DOCK3: variants seen among roughly 807,000 people sequenced by gnomAD.
DOCK3 encodes dedicator of cytokinesis 3, also known as dedicator of cytokinesis protein 3.
In DOCK3, 60 loss-of-function variants were observed where a neutral mutation model predicts 265.6. The ratio of observed to expected loss-of-function variants is 0.23; its 90% CI spans 0.18 to 0.28. The LOEUF (loss-of-function observed/expected upper bound fraction) is 0.28. Among genes scored for constraint, DOCK3 ranks in the 10% least tolerant of loss-of-function variants. The pLI, the probability that DOCK3 is intolerant of heterozygous loss-of-function variation, is 1.00. For missense variants in DOCK3, 1,981 were observed against 2,594.3 expected (o/e 0.76, Z 5.14); for synonymous variants, 881 against 938.0 (o/e 0.94, Z 1.11).
At chr3:50,999,852 G>A (rs975139293) in intron 5 of DOCK3, among the ~76,000 whole-genome samples, 4 of 152,154 alleles carry the variant, frequency 2.6e-5, no homozygotes, top group African/African-American at 9.7e-5. Flanking sequence ...AAGTGGCTCT[G>A]TTTCTTCAGC....
chr3:51,245,129 G>C (rs1202395571), intron 21 of DOCK3, among the ~76,000 whole-genome samples: 1 of 152,064 alleles, frequency 6.6e-6, no homozygotes, highest in Non-Finnish European at 1.5e-5. Context: ...AGGAGTTCGA[G>C]ACCAGCCTGG....
rs533772618 is a variant in DOCK3 at position 51,334,746 on chromosome 3, T to A, written c.3611+1493T>A. ...GCTGCACCTCCCCCTTTCCAAAACA[T>A]TTTCTAAAGTTTGGCTTTATTCACC... On this transcript the variant is annotated intron_variant, in intron 35 of 52. Transcript: ENST00000266037. Among the ~76,000 whole-genome samples, 411 of 152,274 alleles carry A rather than the reference T, an allele frequency of 2.7e-3. 2 individuals carry two copies. Among genetic ancestry groups the A allele is most frequent in the African/African-American group, 9.4e-3 (390 of 41,546 alleles).
At chr3:51,212,859 T>C (rs997910998) in intron 13 of DOCK3, among the ~76,000 whole-genome samples, 2 of 152,142 alleles carry the variant, frequency 1.3e-5, no homozygotes, top group Non-Finnish European at 2.9e-5. Context: ...TGAGATACCA[T>C]GTTTGTAATC....
At chr3:51,288,687 A>G (rs562439565) in intron 27 of DOCK3, among the ~76,000 whole-genome samples, 3 of 152,244 alleles carry the variant, frequency 2.0e-5, no homozygotes, top group Non-Finnish European at 4.4e-5. Flanking sequence ...GAGGGAGGCC[A>G]TTAGTCAATG....
At chr3:51,354,273 TA>T (rs2086209433) in intron 40 of DOCK3, among the ~76,000 whole-genome samples, 1 of 144,714 alleles carries the variant, frequency 6.9e-6, no homozygotes, top group Non-Finnish European at 1.5e-5. Context: ...CACTCCTTGG[TA>T]ACATTGGAGT....
At chr3:51,044,840 G>A (rs1023924155) in intron 5 of DOCK3, among the ~76,000 whole-genome samples, 1 of 152,080 alleles carries the variant, frequency 6.6e-6, no homozygotes, top group African/African-American at 2.4e-5. Flanking sequence ...CTTTTCTTCA[G>A]CAGCTTCCCC....
intron 1 of DOCK3, among the ~76,000 whole-genome samples, chr3:50,683,839 C>A (rs1476206476): frequency 1.2e-5 from 1 of 84,310 alleles, no homozygotes; most frequent in Non-Finnish European, 2.6e-5. Flanking sequence ...GCTCTCCTCC[C>A]CCCCCCCCAC....
At chr3:50,923,706 G>A (rs563327130) in intron 4 of DOCK3, among the ~76,000 whole-genome samples, 2 of 152,190 alleles carry the variant, frequency 1.3e-5, no homozygotes, top group South Asian at 4.2e-4. Flanking sequence ...TCTCTACCTG[G>A]TCACAGAAAT....
intron 12 of DOCK3, among the ~76,000 whole-genome samples, chr3:51,175,141 C>A (rs2086873329): frequency 6.6e-6 from 1 of 152,162 alleles, no homozygotes; most frequent in Admixed American, 6.5e-5. Context: ...CACAGGGCTG[C>A]TTCAGGGACC....
chr3:51,185,798 C>T (rs549003917), intron 12 of DOCK3, among the ~76,000 whole-genome samples: 4 of 151,882 alleles, frequency 2.6e-5, no homozygotes, highest in Non-Finnish European at 4.4e-5. Context: ...TGCACAAGCC[C>T]TTTTTTTTGC....
intron 32 of DOCK3, among the ~76,000 whole-genome samples, chr3:51,325,347 C>T (rs550584936): frequency 3.3e-5 from 5 of 152,096 alleles, no homozygotes; most frequent in Non-Finnish European, 7.4e-5. Flanking sequence ...AAATGCAAAT[C>T]AAAACCGCGA....
At chr3:51,060,310 C>G (rs1463234387) in intron 5 of DOCK3, among the ~76,000 whole-genome samples, 1 of 152,076 alleles carries the variant, frequency 6.6e-6, no homozygotes, top group Non-Finnish European at 1.5e-5. Flanking sequence ...TCCTTAAAAT[C>G]CAGTTTTCTA....
Position 51,215,163 on chromosome 3 carries a change from A to C in DOCK3, c.1252+916A>C, listed in dbSNP as rs1286540545. On this transcript the variant is annotated intron_variant, in intron 14 of 52. Coordinates refer to ENST00000266037, the MANE Select transcript of DOCK3 (RefSeq NM_004947.5). ...TACTCTGTTGCCCACGCTGGAGTGC[A>C]GTGGTGCCATCTTGGCTCACTGCAA... is the stretch of plus-strand genomic sequence containing the variant. Among the ~76,000 whole-genome samples, 8 of 152,190 alleles carry C rather than the reference A, an allele frequency of 5.3e-5. No homozygotes were observed. The East Asian group carries it at 1.5e-3, about 29-fold the overall frequency.
At chr3:51,028,791 C>A (rs966764445) in intron 5 of DOCK3, among the ~76,000 whole-genome samples, 1 of 151,974 alleles carries the variant, frequency 6.6e-6, no homozygotes, top group Non-Finnish European at 1.5e-5. Flanking sequence ...TTTAATATAG[C>A]TATGTTGTCT....
chr3:51,001,617 C>T (rs1290827785), intron 5 of DOCK3, among the ~76,000 whole-genome samples: 2 of 152,032 alleles, frequency 1.3e-5, no homozygotes, highest in African/African-American at 2.4e-5. Context: ...TCACAAATAC[C>T]GTGTGTATGT....
At chr3:50,712,292 C>T (rs1410889428) in intron 1 of DOCK3, among the ~76,000 whole-genome samples, 1 of 152,114 alleles carries the variant, frequency 6.6e-6, no homozygotes, top group Non-Finnish European at 1.5e-5. Flanking sequence ...ATATTTATAG[C>T]AATAAATGTT....
Position 51,361,888 on chromosome 3 carries a change from A to ATT in DOCK3, c.5037_5038dup (p.Ser1680PhefsTer18). The ATT allele has an allele frequency of 6.2e-7, 1 of 1,613,498 alleles. No homozygotes were observed. The highest frequency in any genetic ancestry group is 2.2e-5 in the East Asian group (1 of 44,862). ...ATGAACTTGATGGGCACAGGCCGCC[A>ATT]TTCATCATCCTCTCTCTCCTCACAT... On this transcript the variant is annotated frameshift_variant, in exon 48 of 53. Transcript: ENST00000266037. LOFTEE classifies it high-confidence loss of function. The surrounding 1 kb of genome is among the most constrained non-coding windows in gnomAD (Gnocchi z 4.2).
intron 5 of DOCK3, among the ~76,000 whole-genome samples, chr3:50,948,952 A>G (rs2076519093): frequency 6.6e-6 from 1 of 152,240 alleles, no homozygotes; most frequent in East Asian, 1.9e-4. Context: ...CAATTCAGAT[A>G]TGGCTAATTT....
At chr3:51,032,810 G>A (rs2080106060) in intron 5 of DOCK3, among the ~76,000 whole-genome samples, 1 of 152,106 alleles carries the variant, frequency 6.6e-6, no homozygotes, top group Non-Finnish European at 1.5e-5. Context: ...TACTTGGGAG[G>A]CTAAGGTGGG....
Sources: gnomAD v4.1 joint callset for allele counts (sites outside exome capture counted in the v4.1 genomes callset) on GRCh38, gnomAD v4.1.1 for gene constraint, Gnocchi (gnomAD v3.1) non-coding constraint, MANE v1.5 for transcripts, NCBI Gene and HGNC (gene_info 2026-07-23, HGNC 2026-07-21) for gene names.